COL28A1: variants seen among roughly 807,000 people sequenced by gnomAD.
COL28A1 encodes collagen type XXVIII alpha 1 chain, also known as collagen alpha-1(XXVIII) chain.
Under a neutral mutation model 150.2 loss-of-function variants are expected in COL28A1, and 161 were observed. The ratio of observed to expected loss-of-function variants is 1.07; its 90% CI spans 0.94 to 1.22. The LOEUF (loss-of-function observed/expected upper bound fraction) is 1.22. Among genes scored for constraint, COL28A1 ranks in the 50% most tolerant of loss-of-function variants. The pLI, the probability that COL28A1 is intolerant of heterozygous loss-of-function variation, is 0.00. For synonymous variants in COL28A1, 552 were observed against 469.7 expected (o/e 1.18, Z -2.26); for missense variants, 1,617 against 1,388.3 (o/e 1.16, Z -2.62).
At chr7:7,344,839 G>A in the COL28A1 span, among the ~76,000 whole-genome samples, 4 of 152,032 alleles carry the variant, frequency 2.6e-5, no homozygotes, top group Admixed American at 6.6e-5. Context: ...AAGGCTGAAC[G>A]CTTTTTTCTG....
At chr7:7,368,389 G>GTTTTTTTTTTTTTTTT (rs34289231) in intron 33 of COL28A1, among the ~76,000 whole-genome samples, 21 of 150,124 alleles carry the variant, frequency 1.4e-4, no homozygotes, top group African/African-American at 5.2e-4. Flanking sequence ...TTTGCCTACT[G>GTTTTTTTTTTTTTTTT]TTTTTTTTGT....
At chr7:7,430,884 C>A (rs1445366712) in intron 25 of COL28A1, among the ~76,000 whole-genome samples, 1 of 152,124 alleles carries the variant, frequency 6.6e-6, no homozygotes, top group Non-Finnish European at 1.5e-5. Context: ...TGAGTCAGAC[C>A]AAGCCAGATC....
At chr7:7,435,922 T>A (rs1785307095) in intron 23 of COL28A1, among the ~76,000 whole-genome samples, 1 of 152,188 alleles carries the variant, frequency 6.6e-6, no homozygotes, top group Non-Finnish European at 1.5e-5. Flanking sequence ...AAAATGGTGC[T>A]TCGTTGCCAT....
At chr7:7,343,747 C>T in the COL28A1 span, among the ~76,000 whole-genome samples, 31 of 152,004 alleles carry the variant, frequency 2.0e-4, no homozygotes, top group Non-Finnish European at 4.1e-4. Flanking sequence ...GTGATTCATG[C>T]CTATAATCCC....
chr7:7,346,211 G>C, the COL28A1 span, among the ~76,000 whole-genome samples: 28 of 151,726 alleles, frequency 1.8e-4, no homozygotes, highest in African/African-American at 5.6e-4. Flanking sequence ...TATCTCATTA[G>C]CTAGTTTTAA....
chr7:7,356,699 G>C (rs546608549), downstream of COL28A1: 4 of 151,736 alleles, frequency 2.6e-5, no homozygotes, highest in Non-Finnish European at 2.9e-5. Flanking sequence ...GTTGTGGGGT[G>C]GCGGGGGAGT....
chr7:7,380,500 C>T (rs1781812421), intron 30 of COL28A1, among the ~76,000 whole-genome samples, 160 bp downstream of exon 30: 1 of 152,142 alleles, frequency 6.6e-6, no homozygotes, highest in African/African-American at 2.4e-5. Flanking sequence ...ATTCAATTAC[C>T]TCATGCATCT....
chr7:7,515,740 A>C lies in COL28A1; in HGVS notation c.882+74T>G. ...AAAATAAAGAAAATAACTTTTATTA[A>C]GTTCCTAAGTACACTTATGTTTCTG... On this transcript the variant is annotated intron_variant, in intron 8 of 34. Coordinates refer to ENST00000399429, the MANE Select transcript of COL28A1 (RefSeq NM_001037763.3). The C allele has an allele frequency of 3.8e-6, 3 of 785,288 alleles. No individual in the cohort carries two copies. The Middle Eastern group carries it at 6.8e-4, about 178-fold the overall frequency. 48.6% of individuals were successfully genotyped at this position (785,288 alleles called of 1,614,324 possible).
At chr7:7,525,261 T>C (rs1324587810) in intron 3 of COL28A1, among the ~76,000 whole-genome samples, 1 of 152,216 alleles carries the variant, frequency 6.6e-6, no homozygotes, top group Non-Finnish European at 1.5e-5. Flanking sequence ...ATATGTACCA[T>C]ACAGGAATGA....
chr7:7,383,513 A>C (rs552868714), intron 27 of COL28A1, among the ~76,000 whole-genome samples: 299 of 151,906 alleles, frequency 2.0e-3, no homozygotes, highest in South Asian at 6.7e-3. Flanking sequence ...TCCTGACCTT[A>C]GGTGATTCAC....
At chr7:7,500,103 G>A (rs1489681628) in intron 11 of COL28A1, among the ~76,000 whole-genome samples, 1 of 152,176 alleles carries the variant, frequency 6.6e-6, no homozygotes, top group Non-Finnish European at 1.5e-5. Context: ...TATGTTAGAA[G>A]AATGGTCAAT....
intron 13 of COL28A1, among the ~76,000 whole-genome samples, chr7:7,478,627 G>C (rs1351342380): frequency 6.6e-6 from 1 of 152,242 alleles, no homozygotes; most frequent in Non-Finnish European, 1.5e-5. Flanking sequence ...AGGCCACACA[G>C]GAGCCCACGG....
At chr7:7,348,906 A>G in the COL28A1 span, among the ~76,000 whole-genome samples, 31 of 151,966 alleles carry the variant, frequency 2.0e-4, no homozygotes, top group Non-Finnish European at 8.8e-5. Flanking sequence ...CCACACCCAG[A>G]TAATTTTTTA....
At chr7:7,390,531 C>G (rs1361666299) in intron 27 of COL28A1, among the ~76,000 whole-genome samples, 1 of 152,154 alleles carries the variant, frequency 6.6e-6, no homozygotes, top group Admixed American at 6.5e-5. Context: ...AGGAGTCCCT[C>G]TTTTTCTATG....
chr7:7,384,794 CTAAACAT>C, intron 27 of COL28A1, among the ~76,000 whole-genome samples: 1 of 152,028 alleles, frequency 6.6e-6, no homozygotes, highest in African/African-American at 2.4e-5. Context: ...TAAATAAACC[CTAAACAT>C]TAAACTGACA....
chr7:7,464,248 G>A (rs115069442), intron 15 of COL28A1, among the ~76,000 whole-genome samples: 2 of 152,100 alleles, frequency 1.3e-5, no homozygotes, highest in African/African-American at 2.4e-5. Context: ...GCACTAGACA[G>A]GTCATCGAGA....
intron 27 of COL28A1, among the ~76,000 whole-genome samples, chr7:7,383,317 C>T (rs1300614346): frequency 6.8e-6 from 1 of 147,488 alleles, no homozygotes; most frequent in Non-Finnish European, 1.5e-5. Flanking sequence ...CTCACTCTGT[C>T]AACCAGGTTG....
At position 7,373,874 on chromosome 7, in the gene COL28A1, T is replaced by C. The variant is rs1351911358; in HGVS notation, c.2360-328A>G. Among the ~76,000 whole-genome samples, 1 of 151,450 alleles carries C rather than the reference T, an allele frequency of 6.6e-6. No individual in the cohort carries two copies. Among genetic ancestry groups the C allele is most frequent in the African/African-American group, 2.4e-5 (1 of 41,218 alleles). ...GCCACCTCGCCTGGCTAATTTTTTG[T>C]ATTTTTAGTAGAGACAGGGTTTCAC... On this transcript the variant is annotated intron_variant, in intron 31 of 34. Transcript: ENST00000399429. This position sits in a 1 kb window ranked among gnomAD's most constrained non-coding sequence, Gnocchi z 4.1.
chr7:7,374,036 A>ATATATATAT (rs1281053510), intron 31 of COL28A1, among the ~76,000 whole-genome samples: 9 of 77,848 alleles, frequency 1.2e-4, no homozygotes, highest in Admixed American at 2.5e-4. Context: ...AAAAAAAAAA[A>ATATATATAT]AAATATATAT....
Sources: allele counts gnomAD v4.1 joint callset (sites outside exome capture counted in the v4.1 genomes callset), GRCh38; gene constraint gnomAD v4.1.1; non-coding constraint Gnocchi (gnomAD v3.1); transcripts MANE v1.5; gene names NCBI Gene and HGNC (gene_info 2026-07-23, HGNC 2026-07-21).